Variants in RELCH observed in about 807,000 individuals in gnomAD.
RELCH encodes RAB11 binding and LisH domain, coiled-coil and HEAT repeat containing.
A neutral mutation model predicts 150.3 loss-of-function variants in RELCH; 41 were observed. That is an observed-to-expected ratio of 0.27 (90% confidence interval 0.21 to 0.35). The LOEUF (loss-of-function observed/expected upper bound fraction) is 0.35. Among genes scored for constraint, RELCH ranks in the 10% least tolerant of loss-of-function variants. The pLI is 1.00. For missense variants in RELCH, 1,092 were observed against 1,467.8 expected, an observed-to-expected ratio of 0.74 and a Z score of 4.18; for synonymous variants, 478 against 531.8, an observed-to-expected ratio of 0.90 and a Z score of 1.39.
At position 62,265,885 on chromosome 18, in the gene RELCH, G is replaced by A. The variant is rs548018968; in HGVS notation, c.2632-816G>A. Among the ~76,000 whole-genome samples, 18 of 152,024 alleles carry A rather than the reference G, an allele frequency of 1.2e-4. 1 individual carries two copies. Among genetic ancestry groups the A allele is most frequent in the African/African-American group, 3.6e-4 (15 of 41,534 alleles). On this transcript the variant is annotated intron_variant, in intron 18 of 28. Transcript: ENST00000644646. The stretch of plus-strand genomic sequence containing the variant: ...ATTAATGTGCCTCACCTACAGAGAG[G>A]AGGGCAAAAACCAGACCTTGATGTT...
chr18:62,206,849 T>C (rs973923355), intron 1 of RELCH, among the ~76,000 whole-genome samples: 28 of 136,418 alleles, frequency 2.1e-4, no homozygotes, highest in African/African-American at 7.6e-4. Flanking sequence ...CTGCTATTCA[T>C]ACACAACTTG....
chr18:62,280,831 C>A, intron 24 of RELCH, 122 bp downstream of exon 24: 2 of 636,484 alleles, frequency 3.1e-6, no homozygotes, highest in South Asian at 1.9e-5. Context: ...AGTTACAGGC[C>A]AGAGGAGGAT....
At chr18:62,275,214 C>T (rs1051583576) in intron 21 of RELCH, among the ~76,000 whole-genome samples, 160 bp from the exon 22 acceptor site, 2 of 152,122 alleles carry the variant, frequency 1.3e-5, no homozygotes, top group African/African-American at 4.8e-5. Flanking sequence ...TGCGCCTAGC[C>T]GAGAATCTTA....
At chr18:62,193,902 T>C (rs1468733895) in intron 1 of RELCH, among the ~76,000 whole-genome samples, 1 of 152,202 alleles carries the variant, frequency 6.6e-6, no homozygotes, top group Non-Finnish European at 1.5e-5. Context: ...TTATCAAATG[T>C]GAATTTTGCA....
At chr18:62,189,188 C>T (rs1332466481) in intron 1 of RELCH, among the ~76,000 whole-genome samples, 2 of 149,768 alleles carry the variant, frequency 1.3e-5, no homozygotes, top group African/African-American at 4.9e-5. Flanking sequence ...TTTCTCATTG[C>T]TGACCTTTAA....
chr18:62,248,107 A>G (rs548673912), intron 11 of RELCH, among the ~76,000 whole-genome samples: 1 of 152,268 alleles, frequency 6.6e-6, no homozygotes, highest in African/African-American at 2.4e-5. Context: ...CAGCCTTAAA[A>G]GCATTTTGGC....
chr18:62,289,356 A>G (rs1179887753), intron 26 of RELCH, among the ~76,000 whole-genome samples: 1 of 152,186 alleles, frequency 6.6e-6, no homozygotes, highest in African/African-American at 2.4e-5. Flanking sequence ...AGCTGATCAG[A>G]AGAGTGCTCC....
chr18:62,256,012 A>T (rs554203180), intron 13 of RELCH, among the ~76,000 whole-genome samples: 3 of 152,244 alleles, frequency 2.0e-5, no homozygotes, highest in African/African-American at 7.2e-5. Flanking sequence ...TTATTTTACT[A>T]AATTTTGACC....
At chr18:62,210,988 G>A (rs1448075945) in intron 1 of RELCH, among the ~76,000 whole-genome samples, 165 bp from the exon 2 acceptor site, 4 of 152,152 alleles carry the variant, frequency 2.6e-5, no homozygotes, top group Non-Finnish European at 5.9e-5. Flanking sequence ...AAAGTAACTT[G>A]ATTGCTGTGA....
intron 25 of RELCH, among the ~76,000 whole-genome samples, chr18:62,286,335 A>G (rs752123651): frequency 9.9e-5 from 15 of 152,248 alleles, no homozygotes; most frequent in Non-Finnish European, 1.9e-4. Flanking sequence ...CCTCATAAAT[A>G]TACTGTTATT....
chr18:62,288,704 T>C (rs1036759051), intron 26 of RELCH, among the ~76,000 whole-genome samples: 1 of 152,158 alleles, frequency 6.6e-6, no homozygotes, highest in Non-Finnish European at 1.5e-5. Context: ...TATTCATGTC[T>C]TCTATAAGTT....
intron 10 of RELCH, among the ~76,000 whole-genome samples, chr18:62,240,143 A>C (rs73458536): frequency 0.097 from 14,674 of 151,820 alleles, 834 homozygotes; most frequent in East Asian, 0.19. Flanking sequence ...ATCACATTAT[A>C]TTTGTATATA....
At chr18:62,215,861 T>C (rs1302012982) in intron 2 of RELCH, among the ~76,000 whole-genome samples, 1 of 152,102 alleles carries the variant, frequency 6.6e-6, no homozygotes, top group African/African-American at 2.4e-5. Context: ...GTCTTTCTTA[T>C]ATGAAACTAT....
intron 15 of RELCH, among the ~76,000 whole-genome samples, chr18:62,260,955 T>C (rs2043241370): frequency 6.6e-6 from 1 of 151,908 alleles, no homozygotes; most frequent in South Asian, 2.1e-4. Flanking sequence ...ATAGAAGAAA[T>C]ACATTCTAGT....
intron 8 of RELCH, among the ~76,000 whole-genome samples, chr18:62,230,030 G>T (rs915032565): frequency 1.3e-5 from 2 of 152,032 alleles, no homozygotes; most frequent in African/African-American, 4.8e-5. Flanking sequence ...GAAACTATAC[G>T]GGTATATGTT....
chr18:62,190,616 C>T (rs1011746038), intron 1 of RELCH, among the ~76,000 whole-genome samples: 2 of 150,654 alleles, frequency 1.3e-5, no homozygotes, highest in Admixed American at 6.6e-5. Flanking sequence ...AAATAAAATA[C>T]AGAACATTTT....
At position 62,274,103 on chromosome 18, in the gene RELCH, T is replaced by C. The variant is rs2044061503; in HGVS notation, c.2867+17T>C. 2 of 1,526,140 alleles carry C rather than the reference T, an allele frequency of 1.3e-6. No homozygotes were observed. Among genetic ancestry groups the C allele is most frequent in the East Asian group, 4.5e-5 (2 of 44,288 alleles). The allele number at this position is 1,526,140 out of a possible 1,614,324, so 94.5% of individuals were successfully genotyped here. On this transcript the variant is annotated intron_variant, in intron 21 of 28. Coordinates refer to ENST00000644646, the MANE Select transcript of RELCH (RefSeq NM_001346231.2). The stretch of plus-strand genomic sequence containing the variant: ...GGAATTGGGGTAAGAAATAACAGCT[T>C]ATAGTTTGCTAAAAGGCATATAAAG...
intron 8 of RELCH, among the ~76,000 whole-genome samples, chr18:62,230,822 G>A (rs1001789733): frequency 6.6e-6 from 1 of 151,946 alleles, no homozygotes; most frequent in African/African-American, 2.4e-5. Context: ...CTTTACCTTT[G>A]TGTTTACCTT....
chr18:62,237,215 T>A (rs577953960), intron 10 of RELCH, among the ~76,000 whole-genome samples: 3 of 152,000 alleles, frequency 2.0e-5, no homozygotes, highest in Admixed American at 2.0e-4. Context: ...TTATGGTCTG[T>A]CCTGGAGAAC....
Sources: allele counts gnomAD v4.1 joint callset (sites outside exome capture counted in the v4.1 genomes callset), GRCh38; gene constraint gnomAD v4.1.1; transcripts MANE v1.5; gene names NCBI Gene and HGNC (gene_info 2026-07-23, HGNC 2026-07-21).